CFAP43: variants seen among roughly 807,000 people sequenced by gnomAD.
The protein encoded by CFAP43 is cilia- and flagella-associated protein 43.
Under a neutral mutation model 218.9 loss-of-function variants are expected in CFAP43, and 155 were observed. The observed-to-expected ratio is 0.71, with a 90% CI of 0.62 to 0.81. CFAP43 has a LOEUF of 0.81. Among genes scored for constraint, CFAP43 ranks in the 30% least tolerant of loss-of-function variants. The pLI, the probability that CFAP43 is intolerant of heterozygous loss-of-function variation, is 0.00. For missense variants in CFAP43, 1,778 were observed against 1,954.3 expected, an observed-to-expected ratio of 0.91 and a Z score of 1.70; for synonymous variants, 645 against 681.3, an observed-to-expected ratio of 0.95 and a Z score of 0.83.
chr10:104,230,565 G>T, intron 2 of CFAP43, 25 bp downstream of exon 2: 1 of 1,596,968 alleles, frequency 6.3e-7, no homozygotes, highest in Non-Finnish European at 8.5e-7. Context: ...TCAATTATGG[G>T]CAGAGGAAGG....
intron 20 of CFAP43, among the ~76,000 whole-genome samples, chr10:104,169,267 A>G (rs1443216211): frequency 2.0e-5 from 3 of 152,198 alleles, no homozygotes; most frequent in Non-Finnish European, 4.4e-5. Context: ...TGGAATTCAT[A>G]TTTTTAAGTG....
intron 18 of CFAP43, among the ~76,000 whole-genome samples, chr10:104,179,594 C>T (rs1437229612): frequency 1.3e-5 from 2 of 152,158 alleles, no homozygotes; most frequent in Non-Finnish European, 2.9e-5. Context: ...CTTACCTGGA[C>T]ACCATTGTTG....
At position 104,130,116 on chromosome 10, in the gene CFAP43, C is replaced by T. The variant is rs971598503; in HGVS notation, c.*23G>A. ...TGATTTTTTAAATGATTGATTTGGC[C>T]TTGTGTTTTCCTGCCAGCGTTTTTA... is the stretch of plus-strand genomic sequence containing the variant. On this transcript the variant is annotated 3_prime_UTR_variant, in exon 38 of 38. Coordinates refer to ENST00000357060, the MANE Select transcript of CFAP43 (RefSeq NM_025145.7). 2 of 1,561,408 alleles carry T rather than the reference C, an allele frequency of 1.3e-6. No individual in the cohort carries two copies. Among genetic ancestry groups the T allele is most frequent in the African/African-American group, 1.4e-5 (1 of 71,870 alleles).
At chr10:104,158,637 C>CACCAATAAAAA (rs1564734947) in intron 27 of CFAP43, among the ~76,000 whole-genome samples, 1 of 152,010 alleles carries the variant, frequency 6.6e-6, no homozygotes. Flanking sequence ...TTTTGATAAA[C>CACCAATAAAAA]ACCAATAAAA....
At chr10:104,212,584 T>G (rs2090897175) in intron 4 of CFAP43, among the ~76,000 whole-genome samples, 1 of 152,198 alleles carries the variant, frequency 6.6e-6, no homozygotes, top group Non-Finnish European at 1.5e-5. Context: ...CCTGGATATT[T>G]ATGAGAAATC....
chr10:104,218,695 T>A (rs1008688639), intron 3 of CFAP43: 1 of 491,798 alleles, frequency 2.0e-6, no homozygotes, highest in Admixed American at 2.4e-5. Context: ...CAATGATCTC[T>A]TTCATGCAAG....
chr10:104,210,241 A>G (rs1201412393), intron 5 of CFAP43, among the ~76,000 whole-genome samples: 1 of 152,262 alleles, frequency 6.6e-6, no homozygotes, highest in African/African-American at 2.4e-5. Context: ...ATCTCTTTCC[A>G]TAATTTAAAA....
At chr10:104,149,475 A>T (rs1474523134) in intron 28 of CFAP43, among the ~76,000 whole-genome samples, 2 of 152,248 alleles carry the variant, frequency 1.3e-5, no homozygotes, top group Admixed American at 6.5e-5. Context: ...CAGACAAAAT[A>T]CTTGATGCTT....
chr10:104,230,207 C>T (rs970988633), intron 2 of CFAP43, among the ~76,000 whole-genome samples: 14 of 152,064 alleles, frequency 9.2e-5, no homozygotes, highest in African/African-American at 1.4e-4. Flanking sequence ...TGGCTCATGC[C>T]TGTAATCTCA....
At chr10:104,203,176 C>T (rs1288205605) in intron 8 of CFAP43, among the ~76,000 whole-genome samples, 1 of 152,136 alleles carries the variant, frequency 6.6e-6, no homozygotes, top group East Asian at 1.9e-4. Context: ...TTGACTTAGG[C>T]CTGGCCAATC....
rs896023316 is a variant in CFAP43, at chr10:104,166,644, T to C, written c.2883A>G (p.Glu961=). 4 of 1,614,046 alleles carry C rather than the reference T, an allele frequency of 2.5e-6. No individual in the cohort carries two copies. The African/African-American group carries it at 5.3e-5, about 22-fold the overall frequency. ...IKQRHEEDDE[E]EEEEDKTVKY... ...TTACTGTCTTGTCTTCCTCTTCCTC[T>C]TCTTCATCATCCTCTTCATGACGCT... The change falls in exon 23 of 38, where the codon GAA becomes GAG. Residue 961 remains glutamate (E), a synonymous_variant. Transcript: ENST00000357060.
At chr10:104,157,773 TGTGAGAGAGAGAGAGAGA>T (rs1185309729) in intron 27 of CFAP43, among the ~76,000 whole-genome samples, 111 of 98,132 alleles carry the variant, frequency 1.1e-3, no homozygotes, top group Admixed American at 5.2e-3. Flanking sequence ...TGTGTGTGTG[TGTGAGAGAGAGAGAGAGA>T]GAGAGAGAGA....
Position 104,162,420 on chromosome 10 carries a change from C to A in CFAP43, c.3247-17G>T, listed in dbSNP as rs768744370. The A allele has an allele frequency of 6.3e-7, 1 of 1,598,668 alleles. No individual in the cohort carries two copies. Among genetic ancestry groups the A allele is most frequent in the Non-Finnish European group, 8.6e-7 (1 of 1,165,892 alleles). Reference sequence around the variant, plus strand: ...GGCTGTAATCTGAAAGAGAAAATGTCATTTCCTGCTATTATTCTTACAAAA... The same window carrying A: ...GGCTGTAATCTGAAAGAGAAAATGTAATTTCCTGCTATTATTCTTACAAAA... On this transcript the variant is annotated splice_polypyrimidine_tract_variant and intron_variant, in intron 24 of 37. Coordinates refer to ENST00000357060, the MANE Select transcript of CFAP43 (RefSeq NM_025145.7).
intron 2 of CFAP43, among the ~76,000 whole-genome samples, chr10:104,226,489 T>A (rs1468997237): frequency 2.6e-5 from 4 of 152,088 alleles, no homozygotes; most frequent in African/African-American, 9.7e-5. Context: ...TAAACAGACG[T>A]TTCCCCCCAC....
intron 27 of CFAP43, among the ~76,000 whole-genome samples, chr10:104,158,213 C>T (rs1389179311): frequency 1.3e-5 from 2 of 152,150 alleles, no homozygotes; most frequent in Non-Finnish European, 2.9e-5. Context: ...AGGCAAGGAT[C>T]ATCAATGGAT....
In CFAP43 at chr10:104,203,718, A is replaced by G. The variant is rs1159345939; in HGVS notation, c.1049T>C (p.Met350Thr). The G allele has an allele frequency of 6.2e-7, 1 of 1,611,838 alleles. No individual in the cohort carries two copies. The highest frequency in any genetic ancestry group is 8.5e-7 in the Non-Finnish European group (1 of 1,179,156). The change falls in exon 8 of 38, where the codon ATG becomes ACG. Residue 350 changes from methionine to threonine, a missense_variant. Around this residue, in one of 3 missense-constraint regions of CFAP43, gnomAD observed 1,553 missense variants for 1,685.2 expected, o/e 0.92. Transcript: ENST00000357060. ...FLEIERPVEH[M>T]TFSPNYTVLL... ...CACTGTATAATTGGGAGAAAATGTCATATGTTCTACAGGTCTTTCAATCTC... is the reference window on the plus strand; with the variant it reads ...CACTGTATAATTGGGAGAAAATGTCGTATGTTCTACAGGTCTTTCAATCTC...
At chr10:104,175,629 C>T (rs2089600142) in intron 19 of CFAP43, among the ~76,000 whole-genome samples, 1 of 152,080 alleles carries the variant, frequency 6.6e-6, no homozygotes, top group South Asian at 2.1e-4. Flanking sequence ...CATTGTTTAC[C>T]TTCGTGATTG....
At chr10:104,161,200 C>A (rs762581261) in intron 26 of CFAP43, 38 bp from the exon 27 acceptor site, 1 of 1,604,010 alleles carries the variant, frequency 6.2e-7, no homozygotes, top group South Asian at 1.1e-5. Context: ...TCAGCTCAAA[C>A]GTTAAATGCA....
intron 27 of CFAP43, among the ~76,000 whole-genome samples, chr10:104,159,766 T>C (rs566105854): frequency 2.1e-4 from 32 of 152,174 alleles, no homozygotes; most frequent in Admixed American, 1.2e-3. Context: ...GGGTGTGAAA[T>C]GGTACTCTAG....
Sources: gnomAD v4.1 joint callset for allele counts (sites outside exome capture counted in the v4.1 genomes callset) on GRCh38, gnomAD v4.1.1 for gene constraint, gnomAD v4.1.1 regional missense constraint, MANE v1.5 for transcripts, NCBI Gene and HGNC (gene_info 2026-07-23, HGNC 2026-07-21) for gene names.